EML4: variants seen among roughly 807,000 people sequenced by gnomAD.
The protein encoded by EML4 is EMAP like 4.
EML4 carries 72 observed loss-of-function variants against 129.0 expected under a neutral mutation model. The ratio of observed to expected loss-of-function variants is 0.56; its 90% CI spans 0.46 to 0.68. EML4 has a LOEUF of 0.68. Ranked by LOEUF, EML4 falls within the 30% of genes least tolerant of loss-of-function variation. The probability of loss-of-function intolerance (pLI) is 0.00; values close to 1 mark genes in which losing one functional copy is unlikely to be tolerated. For missense variants in EML4, 1,363 were observed against 1,190.6 expected, an observed-to-expected ratio of 1.14 and a Z score of -2.13; for synonymous variants, 532 against 405.0, an observed-to-expected ratio of 1.31 and a Z score of -3.77.
chr2:42,261,367 GT>G, intron 4 of EML4, 73 bp downstream of exon 4: 1 of 1,340,798 alleles, frequency 7.5e-7, no homozygotes, highest in Non-Finnish European at 1.0e-6. Flanking sequence ...TTGGGAAAAA[GT>G]TAGCTATCCA....
rs56808218 is a variant in EML4 at position 42,245,094 on chromosome 2, C to CTTT, written c.26-395_26-393dup. ...AGTTTTTTGTTTTGAAATTTTCTTT[C>CTTT]TTTTTTTTTTTTTTTTTTGAGACAG... On this transcript the variant is annotated intron_variant, in intron 1 of 22. Coordinates refer to ENST00000318522, the MANE Select transcript of EML4 (RefSeq NM_019063.5). Among the ~76,000 whole-genome samples the CTTT allele has an allele frequency of 2.9e-3, 195 of 66,562 alleles. 47 individuals are homozygous for CTTT. Among genetic ancestry groups the CTTT allele is most frequent in the Middle Eastern group, 0.031 (2 of 64 alleles). 43.7% of individuals were successfully genotyped at this position (66,562 alleles called of 152,430 possible). A position where few individuals can be genotyped will look rare whatever the true frequency, so the allele number is the denominator to read the frequency against.
At position 42,295,174 on chromosome 2, in the gene EML4, A is replaced by G. The variant is rs1667872081; in HGVS notation, c.1268A>G (p.Asn423Ser). The change falls in exon 12 of 23, where the codon AAT (asparagine) becomes AGT (serine). Residue 423 changes from asparagine to serine, a missense_variant. By Grantham distance (46) the Asn-to-Ser change is conservative (BLOSUM62 1). Coordinates refer to ENST00000318522, the MANE Select transcript of EML4 (RefSeq NM_019063.5). ...LAVEFHPTDA[N>S]TIITCGKSHI... ...GTGGAGTTTCACCCAACAGATGCAA[A>G]TACCATAATTACATGCGGTAAATCT... 6.2e-7 allele frequency: 1 copy of G among 1,612,882 alleles called. No homozygotes were observed. The highest frequency in any genetic ancestry group is 1.3e-5 in the African/African-American group (1 of 74,908).
At chr2:42,286,642 T>C (rs1667323593) in intron 10 of EML4, among the ~76,000 whole-genome samples, 1 of 152,226 alleles carries the variant, frequency 6.6e-6, no homozygotes, top group Non-Finnish European at 1.5e-5. Context: ...TCCCATGTAG[T>C]AGCAGGAAGT....
At chr2:42,203,460 A>G (rs1672353771) in intron 1 of EML4, among the ~76,000 whole-genome samples, 1 of 152,204 alleles carries the variant, frequency 6.6e-6, no homozygotes, top group South Asian at 2.1e-4. Flanking sequence ...ATATTGACAT[A>G]GCTGTAATTA....
Position 42,280,858 on chromosome 2 carries a change from T to C in EML4, c.676T>C (p.Tyr226His). ...KDVIINQEGE[Y>H]IKMFMRGRPI... ...GTCTTGTGTTTCAACAGAAGGAGAATATATTAAAATGTTTATGCGCGGTCG... is the reference window on the plus strand; with the variant it reads ...GTCTTGTGTTTCAACAGAAGGAGAACATATTAAAATGTTTATGCGCGGTCG... Residue 226 changes from tyrosine (Y) to histidine (H), a missense_variant, in exon 7 of 23, where the codon TAT (tyrosine) becomes CAT (histidine). Physicochemically the swap from Tyr to His is moderately conservative, Grantham distance 83 (BLOSUM62 2). Coordinates refer to ENST00000318522, the MANE Select transcript of EML4 (RefSeq NM_019063.5). 4 of 1,606,844 alleles carry C rather than the reference T, an allele frequency of 2.5e-6. No individual in the cohort carries two copies. Among genetic ancestry groups the C allele is most frequent in the Non-Finnish European group, 3.4e-6 (4 of 1,177,352 alleles).
intron 1 of EML4, among the ~76,000 whole-genome samples, chr2:42,213,869 G>T (rs988756529): frequency 6.6e-6 from 1 of 152,146 alleles, no homozygotes; most frequent in African/African-American, 2.4e-5. Flanking sequence ...TTGATGACTT[G>T]TTTAGATACA....
At chr2:42,207,219 T>C (rs942390551) in intron 1 of EML4, among the ~76,000 whole-genome samples, 1 of 152,186 alleles carries the variant, frequency 6.6e-6, no homozygotes, top group African/African-American at 2.4e-5. Context: ...AAAAGTAATT[T>C]TTAAATACAA....
intron 19 of EML4, 60 bp downstream of exon 19, chr2:42,317,584 C>A: frequency 1.8e-6 from 2 of 1,105,110 alleles, no homozygotes; most frequent in Non-Finnish European, 2.7e-6. Flanking sequence ...CCGTTAAAAA[C>A]AAATTTTTAC....
At chr2:42,264,120 T>G (rs1665916337) in intron 5 of EML4, among the ~76,000 whole-genome samples, 1 of 145,920 alleles carries the variant, frequency 6.9e-6, no homozygotes. Flanking sequence ...TTTTTTTTTT[T>G]TTTTTTTTTG....
At chr2:42,173,090 G>C (rs1670370359) in intron 1 of EML4, among the ~76,000 whole-genome samples, 1 of 152,166 alleles carries the variant, frequency 6.6e-6, no homozygotes, top group Non-Finnish European at 1.5e-5. Flanking sequence ...TCTGGGTACA[G>C]GTTGTAAATG....
intron 2 of EML4, among the ~76,000 whole-genome samples, chr2:42,246,133 A>G (rs1331338470): frequency 6.6e-6 from 1 of 152,218 alleles, no homozygotes; most frequent in Non-Finnish European, 1.5e-5. Context: ...GAATCCTGAA[A>G]AAATTAATTT....
chr2:42,261,946 C>A (rs1175722209), intron 4 of EML4, among the ~76,000 whole-genome samples: 1 of 152,096 alleles, frequency 6.6e-6, no homozygotes, highest in Non-Finnish European at 1.5e-5. Context: ...AGAATCTAAA[C>A]CTGCATGCTG....
chr2:42,290,591 G>T (rs921261714), intron 11 of EML4, among the ~76,000 whole-genome samples: 2 of 151,730 alleles, frequency 1.3e-5, no homozygotes, highest in African/African-American at 2.4e-5. Flanking sequence ...AAATAGCAGG[G>T]TATGGTGGTG....
intron 1 of EML4, among the ~76,000 whole-genome samples, chr2:42,203,024 AAC>A (rs1672329193): frequency 1.3e-5 from 2 of 152,144 alleles, no homozygotes; most frequent in Non-Finnish European, 2.9e-5. Flanking sequence ...GTGGGACCCT[AAC>A]TCTAATAATA....
chr2:42,291,699 C>G (rs1024397458), intron 11 of EML4, among the ~76,000 whole-genome samples: 2 of 152,060 alleles, frequency 1.3e-5, no homozygotes, highest in African/African-American at 4.8e-5. Flanking sequence ...AGCCACCACG[C>G]CCCGCCTATC....
At chr2:42,172,352 A>G (rs1159270686) in intron 1 of EML4, among the ~76,000 whole-genome samples, 7 of 152,240 alleles carry the variant, frequency 4.6e-5, no homozygotes, top group Non-Finnish European at 8.8e-5. Context: ...TAAGAAATCC[A>G]CTGTGTTATG....
intron 1 of EML4, among the ~76,000 whole-genome samples, chr2:42,209,332 G>T (rs993973557): frequency 1.3e-5 from 2 of 151,906 alleles, no homozygotes; most frequent in Admixed American, 6.6e-5. Flanking sequence ...ATAATATGTT[G>T]TATTTCTTTT....
intron 6 of EML4, among the ~76,000 whole-genome samples, chr2:42,279,537 A>G (rs943102101): frequency 2.6e-5 from 4 of 151,310 alleles, no homozygotes; most frequent in African/African-American, 9.7e-5. Context: ...GGCTCACTGC[A>G]AGCTCCACCT....
At chr2:42,236,692 A>G (rs1674697133) in intron 1 of EML4, among the ~76,000 whole-genome samples, 1 of 152,144 alleles carries the variant, frequency 6.6e-6, no homozygotes, top group Admixed American at 6.5e-5. Flanking sequence ...GCTGGGTCAT[A>G]GGATGTGTGT....
Sources: gnomAD v4.1 joint callset for allele counts (sites outside exome capture counted in the v4.1 genomes callset) on GRCh38, gnomAD v4.1.1 for gene constraint, MANE v1.5 for transcripts, NCBI Gene and HGNC (gene_info 2026-07-23, HGNC 2026-07-21) for gene names.